Variants in SHROOM2 observed in about 807,000 individuals in gnomAD.
SHROOM2 encodes protein Shroom2.
A neutral mutation model predicts 75.9 loss-of-function variants in SHROOM2; 33 were observed. The ratio of observed to expected loss-of-function variants is 0.43; its 90% CI spans 0.33 to 0.58. The LOEUF (loss-of-function observed/expected upper bound fraction) is 0.58. Among genes scored for constraint, SHROOM2 ranks in the 20% least tolerant of loss-of-function variants. The probability of loss-of-function intolerance (pLI) is 0.04; values close to 1 mark genes in which losing one functional copy is unlikely to be tolerated. For missense variants in SHROOM2, 1,434 were observed against 1,461.2 expected (o/e 0.98, Z 0.30); for synonymous variants, 655 against 663.6 (o/e 0.99, Z 0.20).
intron 1 of SHROOM2, among the ~76,000 whole-genome samples, chrX:9,828,825 C>G (rs939004951): frequency 3.6e-5 from 4 of 111,568 alleles, no homozygotes; most frequent in African/African-American, 1.3e-4. Flanking sequence ...TTACGAATGG[C>G]AAAGCAACGG....
chrX:9,944,636 A>G lies in SHROOM2; in HGVS notation c.4312-5A>G. The G allele has an allele frequency of 8.3e-7, 1 of 1,202,155 alleles. No individual in the cohort carries two copies. The highest frequency in any genetic ancestry group is 1.1e-6 in the Non-Finnish European group (1 of 889,639). ...CGTGTTCCCTTGCCATCCCGTGCCC[A>G]ACAGCAGGAGCTCATCGAGAGCATC... is the stretch of plus-strand genomic sequence containing the variant. On this transcript the variant is annotated splice_region_variant and splice_polypyrimidine_tract_variant and intron_variant, in intron 8 of 9. Transcript: ENST00000380913.
chrX:9,894,096 G>A (rs1415509986), intron 3 of SHROOM2, among the ~76,000 whole-genome samples: 1 of 85,169 alleles, frequency 1.2e-5, no homozygotes, highest in Non-Finnish European at 2.3e-5. Flanking sequence ...GAGAATGTGC[G>A]CTAGGGTTGC....
intron 3 of SHROOM2, among the ~76,000 whole-genome samples, chrX:9,894,128 C>G (rs17327531): frequency 0.23 from 23,957 of 102,885 alleles, 2,488 homozygotes; most frequent in East Asian, 0.49. Flanking sequence ...TTGGTAAAAG[C>G]CATGTAACAG....
At chrX:9,924,900 C>G (rs909072115) in intron 5 of SHROOM2, among the ~76,000 whole-genome samples, 5 of 111,084 alleles carry the variant, frequency 4.5e-5, no homozygotes, top group Non-Finnish European at 1.9e-5. Context: ...TTGAATTCCT[C>G]CCACCTCGGC....
chrX:9,819,616 G>A (rs542839056), intron 1 of SHROOM2: 14 of 143,635 alleles, frequency 9.7e-5, no homozygotes, highest in Middle Eastern at 3.0e-3. Flanking sequence ...CACTGAGGCT[G>A]TAAGCGTCTT....
intron 5 of SHROOM2, chrX:9,913,368 A>G (rs1465094482): frequency 4.4e-5 from 5 of 112,622 alleles, no homozygotes; most frequent in Non-Finnish European, 7.5e-5. Flanking sequence ...TGGAATCACC[A>G]TGGTTCTTAG....
intron 1 of SHROOM2, among the ~76,000 whole-genome samples, chrX:9,816,584 CTGCTG>C (rs1357184817): frequency 1.0e-5 from 1 of 95,564 alleles, no homozygotes; most frequent in African/African-American, 5.7e-5. Flanking sequence ...TTACCCCCTG[CTGCTG>C]CTGCTGCTGC....
rs182842231 is a variant in SHROOM2 at position 9,842,950 on chromosome X, C to A, written c.166-30702C>A. On this transcript the variant is annotated intron_variant, in intron 1 of 9. Coordinates refer to ENST00000380913, the MANE Select transcript of SHROOM2 (RefSeq NM_001649.4). ...CAGCTTCCCAGGAGCCCTTTTCAGA[C>A]CCTGTCTGGCTCCTTAGAAAGGCTG... Among the ~76,000 whole-genome samples the A allele has an allele frequency of 1.3e-4, 15 of 111,986 alleles. No homozygotes were observed. The East Asian group carries it at 4.2e-3, about 32-fold the overall frequency.
chrX:9,882,951 G>T (rs1417660053), intron 2 of SHROOM2, among the ~76,000 whole-genome samples: 1 of 112,393 alleles, frequency 8.9e-6, no homozygotes, highest in South Asian at 3.6e-4. Flanking sequence ...CACCATTCAC[G>T]CAGGCATTGC....
intron 1 of SHROOM2, among the ~76,000 whole-genome samples, chrX:9,831,061 C>T (rs187608693): frequency 1.8e-5 from 2 of 112,078 alleles, no homozygotes; most frequent in East Asian, 5.6e-4. Context: ...CATGGAACTA[C>T]ACACAGGAGA....
intron 2 of SHROOM2, among the ~76,000 whole-genome samples, chrX:9,884,325 G>C (rs750906303): frequency 9.4e-6 from 1 of 106,914 alleles, no homozygotes; most frequent in Admixed American, 1.0e-4. Context: ...TCTTCTAAAA[G>C]GTTAGGAAAA....
At chrX:9,811,090 A>T (rs1306959793) in intron 1 of SHROOM2, among the ~76,000 whole-genome samples, 2 of 112,138 alleles carry the variant, frequency 1.8e-5, no homozygotes, top group Non-Finnish European at 3.8e-5. Flanking sequence ...GTAAGTGTCT[A>T]TTCCAGTGAG....
intron 1 of SHROOM2, among the ~76,000 whole-genome samples, chrX:9,848,510 CAAA>C (rs774991614): frequency 9.1e-5 from 2 of 22,026 alleles, no homozygotes; most frequent in African/African-American, 1.5e-4. Context: ...GACTCCGTCT[CAAA>C]AAAAAAAAAA....
At chrX:9,831,057 A>G (rs774998087) in intron 1 of SHROOM2, among the ~76,000 whole-genome samples, 1 of 111,985 alleles carries the variant, frequency 8.9e-6, no homozygotes, top group Admixed American at 9.5e-5. Context: ...AACCCATGGA[A>G]CTACACACAG....
intron 1 of SHROOM2, among the ~76,000 whole-genome samples, chrX:9,823,705 A>G (rs1219933556): frequency 9.5e-6 from 1 of 104,750 alleles, no homozygotes; most frequent in Non-Finnish European, 2.0e-5. Flanking sequence ...TCATGGAATT[A>G]TGCTCCAGAT....
intron 6 of SHROOM2, among the ~76,000 whole-genome samples, chrX:9,934,353 A>G (rs769584750): frequency 1.8e-5 from 2 of 111,420 alleles, no homozygotes; most frequent in Non-Finnish European, 3.8e-5. Context: ...CAGAGAAAGA[A>G]CATGACTGAT....
At chrX:9,869,776 C>T (rs1374375548) in intron 1 of SHROOM2, among the ~76,000 whole-genome samples, 2 of 112,284 alleles carry the variant, frequency 1.8e-5, no homozygotes, top group Admixed American at 9.5e-5. Context: ...AAGGCAAAAA[C>T]AAAATAAGGC....
At chrX:9,818,356 A>G in intron 1 of SHROOM2, 1 of 254,198 alleles carries the variant, frequency 3.9e-6, no homozygotes, top group Non-Finnish European at 7.9e-6. Flanking sequence ...CTTCTTCACC[A>G]CCAGAAGATT....
Position 9,908,776 on chromosome X carries a change from A to AC in SHROOM2, c.2891+10490dup, listed in dbSNP as rs1257915732. On this transcript the variant is annotated intron_variant, in intron 5 of 9. Coordinates refer to ENST00000380913, the MANE Select transcript of SHROOM2 (RefSeq NM_001649.4). Reference sequence around the variant, plus strand: ...ATACCAGCCTGGGCAACATAGTGAGACCCCATCTCTACAAAAAAAATTTAG... The same window carrying AC: ...ATACCAGCCTGGGCAACATAGTGAGACCCCCATCTCTACAAAAAAAATTTAG... 1.5e-3 allele frequency among the ~76,000 whole-genome samples: 165 copies of AC among 108,544 alleles called. 1 individual carries two copies. Among genetic ancestry groups the AC allele is most frequent in the African/African-American group, 5.4e-3 (160 of 29,793 alleles). 94.3% of individuals were successfully genotyped at this position (108,544 alleles called of 115,157 possible).
Sources: gnomAD v4.1 joint callset for allele counts (sites outside exome capture counted in the v4.1 genomes callset) on GRCh38, gnomAD v4.1.1 for gene constraint, MANE v1.5 for transcripts, NCBI Gene and HGNC (gene_info 2026-07-23, HGNC 2026-07-21) for gene names.